The following XPNPEP1 variants were observed in gnomAD, a reference collection of about 807,000 sequenced individuals.
XPNPEP1 encodes X-prolyl aminopeptidase 1, also known as xaa-Pro aminopeptidase 1.
XPNPEP1 carries 39 observed loss-of-function variants against 92.4 expected under a neutral mutation model. That is an observed-to-expected ratio of 0.42 (90% CI 0.33 to 0.55). XPNPEP1 has a LOEUF of 0.55. XPNPEP1 is among the 20% of genes least tolerant of loss of function. The pLI, the probability that XPNPEP1 is intolerant of heterozygous loss-of-function variation, is 0.08. For missense variants in XPNPEP1, 654 were observed against 856.1 expected (o/e 0.76, Z 2.95); for synonymous variants, 307 against 299.4 (o/e 1.03, Z -0.26).
In XPNPEP1 at chr10:109,916,781, G is replaced by A. The variant is rs146541055; in HGVS notation, c.33-1682C>T. Among the ~76,000 whole-genome samples, 952 of 152,168 alleles carry A rather than the reference G, an allele frequency of 6.3e-3. 6 individuals are homozygous for A. Among genetic ancestry groups the A allele is most frequent in the African/African-American group, 0.022 (907 of 41,498 alleles). ...GAACAATATAAAAAGGATCATCATC[G>A]CCAAGTGGGTCTTATCCCAGGAATA... On this transcript the variant is annotated intron_variant, in intron 1 of 20. Transcript: ENST00000502935.
chr10:109,868,590 T>C (rs1186929706), intron 20 of XPNPEP1, 24 bp downstream of exon 20: 1 of 1,589,218 alleles, frequency 6.3e-7, no homozygotes, highest in Admixed American at 1.7e-5. Context: ...GTAACATGCC[T>C]GCCCACCAAG....
At position 109,891,962 on chromosome 10, in the gene XPNPEP1, A is replaced by G. The variant is rs536387778; in HGVS notation, c.311-136T>C. ...TGGGGCAGATGGGTCCTTGACTCCA[A>G]AGAAACCTCTGGGCAAGAGAAGACC... On this transcript the variant is annotated intron_variant, in intron 4 of 20. Coordinates refer to ENST00000502935, the MANE Select transcript of XPNPEP1 (RefSeq NM_020383.4). 16 of 720,086 alleles carry G rather than the reference A, an allele frequency of 2.2e-5. No individual in the cohort carries two copies. The East Asian group carries it at 3.6e-4, about 16-fold the overall frequency. 44.6% of individuals were successfully genotyped at this position (720,086 alleles called of 1,614,324 possible).
intron 3 of XPNPEP1, among the ~76,000 whole-genome samples, chr10:109,897,610 G>A (rs1426898023): frequency 6.6e-6 from 1 of 151,606 alleles, no homozygotes; most frequent in Admixed American, 6.6e-5. Context: ...ACTTCCCCAA[G>A]GTAACACCAC....
chr10:109,875,443 G>C (rs1847733356), intron 15 of XPNPEP1, 85 bp downstream of exon 15: 3 of 1,257,344 alleles, frequency 2.4e-6, no homozygotes, highest in Non-Finnish European at 3.5e-6. Context: ...GACCAGCTGA[G>C]TGCTCTCAGC....
intron 8 of XPNPEP1, chr10:109,884,425 C>A (rs768151813): frequency 4.3e-5 from 16 of 368,016 alleles, no homozygotes; most frequent in Non-Finnish European, 7.4e-5. Flanking sequence ...CTGAGAACTG[C>A]CCCCACAAGG....
chr10:109,895,172 A>T (rs777408267), intron 3 of XPNPEP1, among the ~76,000 whole-genome samples: 5 of 152,230 alleles, frequency 3.3e-5, no homozygotes, highest in Non-Finnish European at 7.3e-5. Context: ...CACAATGGGG[A>T]ATACACAGTG....
intron 15 of XPNPEP1, among the ~76,000 whole-genome samples, chr10:109,874,941 T>G (rs1847697933): frequency 6.6e-6 from 1 of 152,172 alleles, no homozygotes; most frequent in African/African-American, 2.4e-5. Flanking sequence ...AGAGTGAGAC[T>G]CTGTCTCAAA....
At chr10:109,917,216 A>T (rs190176812) in intron 1 of XPNPEP1, among the ~76,000 whole-genome samples, 1 of 152,214 alleles carries the variant, frequency 6.6e-6, no homozygotes, top group Admixed American at 6.5e-5. Flanking sequence ...CAATTGACAT[A>T]ATCTTGAATA....
In XPNPEP1 at chr10:109,889,924, A is replaced by G. The variant is rs189385086; in HGVS notation, c.416-1329T>C. The stretch of plus-strand genomic sequence containing the variant: ...TCATTCTGCTATTTGATTCTTTCCT[A>G]TTTTTTTTCAAACCACTAAACAAGC... On this transcript the variant is annotated intron_variant, in intron 5 of 20. Transcript: ENST00000502935. Among the ~76,000 whole-genome samples, 104 of 151,990 alleles carry G rather than the reference A, an allele frequency of 6.8e-4. 1 individual carries two copies. In the East Asian group the frequency reaches 0.012, roughly 18 times the overall value.
Position 109,870,799 on chromosome 10 carries a change from C to G in XPNPEP1, c.1628G>C (p.Gly543Ala). 6.2e-7 allele frequency: 1 copy of G among 1,614,092 alleles called. No individual in the cohort carries two copies. The highest frequency in any genetic ancestry group is 8.5e-7 in the Non-Finnish European group (1 of 1,180,030). Residue 543 changes from glycine (G) to alanine (A), a missense_variant, in exon 18 of 21, where the codon GGT (glycine) becomes GCT (alanine). Gly to Ala is a moderately conservative substitution (Grantham distance 60, BLOSUM62 0). Coordinates refer to ENST00000502935, the MANE Select transcript of XPNPEP1 (RefSeq NM_020383.4). ...GVGSFLNVHE[G>A]PCGISYKTFS... Reference sequence around the variant, plus strand: ...TGTTTTGTAACTGATGCCGCAAGGACCCTCATGGACATTCAAAAAAGACCC... The same window carrying G: ...TGTTTTGTAACTGATGCCGCAAGGAGCCTCATGGACATTCAAAAAAGACCC...
At chr10:109,891,674 T>C (rs1320691801) in intron 5 of XPNPEP1, 48 bp downstream of exon 5, 1 of 1,467,086 alleles carries the variant, frequency 6.8e-7, no homozygotes, top group Admixed American at 2.3e-5. Flanking sequence ...CTAGGATCCC[T>C]GCCCAGATCA....
At chr10:109,923,264 G>C (rs910006697) in intron 1 of XPNPEP1, 138 bp downstream of exon 1, 1 of 1,190,624 alleles carries the variant, frequency 8.4e-7, no homozygotes, top group African/African-American at 1.6e-5. Context: ...CGGGGCTCCG[G>C]CGAGCGCGGC....
intron 12 of XPNPEP1, among the ~76,000 whole-genome samples, chr10:109,879,256 A>G (rs886290200): frequency 1.3e-5 from 2 of 149,156 alleles, no homozygotes; most frequent in East Asian, 2.0e-4. Flanking sequence ...ATAAAAAAAA[A>G]TAATAAAAAT....
At chr10:109,919,585 G>T (rs1850414970) in intron 1 of XPNPEP1, among the ~76,000 whole-genome samples, 2 of 152,102 alleles carry the variant, frequency 1.3e-5, no homozygotes, top group South Asian at 4.1e-4. Context: ...ACACAATCAA[G>T]AAAATTGAAA....
At chr10:109,875,816 G>A in intron 14 of XPNPEP1, 1 of 450,566 alleles carries the variant, frequency 2.2e-6, no homozygotes, top group South Asian at 3.1e-5. Context: ...CTGAGATAAA[G>A]AGCTCAACAA....
chr10:109,886,105 T>A, intron 8 of XPNPEP1, 141 bp downstream of exon 8: 1 of 766,324 alleles, frequency 1.3e-6, no homozygotes, highest in South Asian at 1.8e-5. Context: ...CTAGTTGGCA[T>A]CTCCTATACC....
At chr10:109,891,936 G>T in intron 4 of XPNPEP1, 110 bp from the exon 5 acceptor site, 1 of 994,358 alleles carries the variant, frequency 1.0e-6, no homozygotes, top group Non-Finnish European at 1.5e-6. Flanking sequence ...TCAGCTCCTA[G>T]TGGGGCAGAT....
At chr10:109,921,742 AG>A (rs1435223937) in intron 1 of XPNPEP1, among the ~76,000 whole-genome samples, 1 of 152,210 alleles carries the variant, frequency 6.6e-6, no homozygotes, top group African/African-American at 2.4e-5. Context: ...TTTCAGCCCA[AG>A]GGGTTCAAAG....
intron 4 of XPNPEP1, 133 bp downstream of exon 4, chr10:109,892,879 C>G (rs1268397075): frequency 1.2e-6 from 1 of 861,780 alleles, no homozygotes; most frequent in African/African-American, 1.7e-5. Context: ...CCACACCTTT[C>G]TGCAGAGAGT....
Sources: gnomAD v4.1 joint callset for allele counts (sites outside exome capture counted in the v4.1 genomes callset) on GRCh38, gnomAD v4.1.1 for gene constraint, MANE v1.5 for transcripts, NCBI Gene and HGNC (gene_info 2026-07-23, HGNC 2026-07-21) for gene names.